The following NIPAL2 variants were observed in gnomAD, a reference collection of about 807,000 sequenced individuals.
The protein encoded by NIPAL2 is NIPA-like protein 2.
NIPAL2 carries 43 observed loss-of-function variants against 48.9 expected under a neutral mutation model. That is an observed-to-expected ratio of 0.88 (90% CI 0.69 to 1.13). The LOEUF (loss-of-function observed/expected upper bound fraction) is 1.13, where lower values mean the gene tolerates loss of function less well. Ranked by LOEUF, NIPAL2 falls within the 50% of genes most tolerant of loss-of-function variation. The pLI is 0.00. For missense variants in NIPAL2, 446 were observed against 461.4 expected, an observed-to-expected ratio of 0.97 and a Z score of 0.31; for synonymous variants, 167 against 174.6, an observed-to-expected ratio of 0.96 and a Z score of 0.34.
intron 3 of NIPAL2, among the ~76,000 whole-genome samples, chr8:98,243,249 C>T (rs1433623236): frequency 6.6e-6 from 1 of 152,176 alleles, no homozygotes; most frequent in Non-Finnish European, 1.5e-5. Context: ...GTTCTTTTGG[C>T]TATTAAGTGT....
In NIPAL2 at chr8:98,195,996, AAT is replaced by A. The variant is rs1563479616; in HGVS notation, c.888_889del (p.Phe297LeufsTer44). 1 of 1,584,470 alleles carries A rather than the reference AAT, an allele frequency of 6.3e-7. No individual in the cohort carries two copies. ...AGGAGCACCAAGGAATTCCTGATAA[AAT>A]ATGATACCTGTAACACAGGAAAAGA... On this transcript the variant is annotated frameshift_variant, in exon 9 of 11. Transcript: ENST00000430223. LOFTEE classifies it high-confidence loss of function.
At chr8:98,233,355 T>TGC (rs1812541564) in intron 4 of NIPAL2, among the ~76,000 whole-genome samples, 1 of 151,964 alleles carries the variant, frequency 6.6e-6, no homozygotes, top group South Asian at 2.1e-4. Flanking sequence ...TGTGTGTGTG[T>TGC]GTGTGTGTGT....
chr8:98,261,732 A>C (rs1232269348), intron 1 of NIPAL2, among the ~76,000 whole-genome samples: 1 of 149,754 alleles, frequency 6.7e-6, no homozygotes, highest in Admixed American at 6.7e-5. Flanking sequence ...GAACTTCCCC[A>C]ACCTAGCAAG....
At chr8:98,205,449 T>C (rs1810984283) in intron 6 of NIPAL2, among the ~76,000 whole-genome samples, 1 of 151,756 alleles carries the variant, frequency 6.6e-6, no homozygotes, top group Non-Finnish European at 1.5e-5. Context: ...TTTGCTTAAA[T>C]CAGCTAAAGA....
At chr8:98,209,941 C>T (rs1811228654) in intron 6 of NIPAL2, among the ~76,000 whole-genome samples, 1 of 151,942 alleles carries the variant, frequency 6.6e-6, no homozygotes, top group African/African-American at 2.4e-5. Flanking sequence ...TCCTTTATTT[C>T]CTCCATAGTT....
chr8:98,217,022 T>C (rs1811612165), intron 5 of NIPAL2: 3 of 977,798 alleles, frequency 3.1e-6, no homozygotes, highest in Non-Finnish European at 1.2e-6. Context: ...GGCCATGTTA[T>C]GCAGAATCTT....
At chr8:98,249,263 A>G (rs1378777120) in intron 3 of NIPAL2, among the ~76,000 whole-genome samples, 1 of 152,216 alleles carries the variant, frequency 6.6e-6, no homozygotes, top group Non-Finnish European at 1.5e-5. Flanking sequence ...TAGAACACCT[A>G]TGAATCTACC....
At chr8:98,204,649 T>C (rs530847264) in intron 7 of NIPAL2, among the ~76,000 whole-genome samples, 1 of 152,116 alleles carries the variant, frequency 6.6e-6, no homozygotes, top group East Asian at 1.9e-4. Context: ...ATGCAAAATT[T>C]TGGGGAAAGG....
chr8:98,192,762 G>A lies in NIPAL2; in HGVS notation c.*216C>T, dbSNP rs578232317. ...GATAATCACTAGGGAGAGGTCCAGG[G>A]TGTGGGGAACACTCCAAATCACATT... On this transcript the variant is annotated 3_prime_UTR_variant, in exon 11 of 11. Coordinates refer to ENST00000430223, the MANE Select transcript of NIPAL2 (RefSeq NM_001321635.2). The A allele has an allele frequency of 2.9e-4, 165 of 575,920 alleles. 3 individuals are homozygous for A. The highest frequency in any genetic ancestry group is 2.3e-3 in the South Asian group (104 of 46,142). The allele number at this position is 575,920 out of a possible 1,614,324, so 35.7% of individuals were successfully genotyped here. A position where few individuals can be genotyped will look rare whatever the true frequency, so the allele number is the denominator to read the frequency against.
intron 5 of NIPAL2, among the ~76,000 whole-genome samples, chr8:98,217,472 T>G (rs1183246489): frequency 6.6e-6 from 1 of 152,240 alleles, no homozygotes; most frequent in Non-Finnish European, 1.5e-5. Context: ...TAGAGTTAGA[T>G]GAATGATATG....
rs546379926 is a variant in NIPAL2 at position 98,208,513 on chromosome 8, A to G, written c.656-3267T>C. 2.6e-5 allele frequency among the ~76,000 whole-genome samples: 4 copies of G among 151,958 alleles called. No homozygotes were observed. In the South Asian group the frequency reaches 8.3e-4, roughly 32 times the overall value. ...GCCCAGGCTGGAGTGCAATGGTGCG[A>G]TCTTGGCTCACTGCAATCTCCACCT... is the stretch of plus-strand genomic sequence containing the variant. On this transcript the variant is annotated intron_variant, in intron 6 of 10. Coordinates refer to ENST00000430223, the MANE Select transcript of NIPAL2 (RefSeq NM_001321635.2).
rs145855681 is a variant in NIPAL2, at chr8:98,212,858, G to A, written c.559-357C>T. On this transcript the variant is annotated intron_variant, in intron 5 of 10. Coordinates refer to ENST00000430223, the MANE Select transcript of NIPAL2 (RefSeq NM_001321635.2). ...CTACCTTCCCAGCTTGTTCCTCCAG[G>A]GCCTTTGCCTGCCAGTTAGTGGCAT... Among the ~76,000 whole-genome samples, 318 of 152,082 alleles carry A rather than the reference G, an allele frequency of 2.1e-3. 2 individuals carry two copies. The highest frequency in any genetic ancestry group is 6.8e-3 in the Middle Eastern group (2 of 294).
At chr8:98,281,595 G>A (rs1815833373) in intron 1 of NIPAL2, among the ~76,000 whole-genome samples, 1 of 152,120 alleles carries the variant, frequency 6.6e-6, no homozygotes, top group African/African-American at 2.4e-5. Flanking sequence ...GATATCTCAT[G>A]TACCCCATAA....
chr8:98,241,927 A>G (rs1288790481), intron 3 of NIPAL2, among the ~76,000 whole-genome samples: 3 of 152,194 alleles, frequency 2.0e-5, no homozygotes, highest in Non-Finnish European at 2.9e-5. Context: ...AGTTTATTAC[A>G]CAATGTCACA....
At chr8:98,281,756 A>G (rs1437646639) in intron 1 of NIPAL2, among the ~76,000 whole-genome samples, 2 of 152,242 alleles carry the variant, frequency 1.3e-5, no homozygotes, top group East Asian at 3.8e-4. Context: ...CCCAGGGAAT[A>G]GAGAAGACAG....
intron 5 of NIPAL2, among the ~76,000 whole-genome samples, chr8:98,222,006 T>A (rs1221873448): frequency 6.6e-6 from 1 of 152,180 alleles, no homozygotes; most frequent in East Asian, 1.9e-4. Flanking sequence ...GTGGCACTGT[T>A]CACAATAGCA....
intron 3 of NIPAL2, among the ~76,000 whole-genome samples, chr8:98,248,253 T>G (rs1052083910): frequency 2.0e-5 from 3 of 152,212 alleles, no homozygotes; most frequent in African/African-American, 7.2e-5. Flanking sequence ...ATGAGAACAA[T>G]AAAAAGCCTT....
intron 10 of NIPAL2, among the ~76,000 whole-genome samples, chr8:98,194,178 T>C (rs938504297): frequency 5.3e-5 from 8 of 152,210 alleles, no homozygotes; most frequent in Non-Finnish European, 1.0e-4. Flanking sequence ...TGTCCTGGAC[T>C]TGGCTTTTGT....
intron 4 of NIPAL2, among the ~76,000 whole-genome samples, chr8:98,228,623 G>A (rs759749918): frequency 1.3e-5 from 2 of 152,052 alleles, no homozygotes; most frequent in Non-Finnish European, 2.9e-5. Flanking sequence ...AAAGCCCACT[G>A]AGAGGCCTGA....
Sources: allele counts gnomAD v4.1 joint callset (sites outside exome capture counted in the v4.1 genomes callset), GRCh38; gene constraint gnomAD v4.1.1; transcripts MANE v1.5; gene names NCBI Gene and HGNC (gene_info 2026-07-23, HGNC 2026-07-21).